The following SIDT2 variants were observed in gnomAD, a reference collection of about 807,000 sequenced individuals.
SIDT2 encodes SID1 transmembrane family member 2.
SIDT2 carries 68 observed loss-of-function variants against 114.4 expected under a neutral mutation model. The ratio of observed to expected loss-of-function variants is 0.59; its 90% CI spans 0.49 to 0.73. The LOEUF is 0.73. Ranked by LOEUF, SIDT2 falls within the 30% of genes least tolerant of loss-of-function variation. SIDT2 has a pLI of 0.00. For synonymous variants in SIDT2, 470 were observed against 438.4 expected (o/e 1.07, Z -0.90); for missense variants, 918 against 1,097.1 (o/e 0.84, Z 2.31).
Position 117,196,145 on chromosome 11 carries a change from G to A in SIDT2, c.*79G>A. On this transcript the variant is annotated 3_prime_UTR_variant, in exon 26 of 26. Transcript: ENST00000324225. The surrounding 1 kb of genome is among the most constrained non-coding windows in gnomAD (Gnocchi z 4.9). ...TAGACCGGTCACTCTGTCGTGCTGT[G>A]GGGATGAGTCCCAGCACCGCTGCCC... is the stretch of plus-strand genomic sequence containing the variant. 1 of 1,587,822 alleles carries A rather than the reference G, an allele frequency of 6.3e-7. No individual in the cohort carries two copies. Among genetic ancestry groups the A allele is most frequent in the Non-Finnish European group, 8.6e-7 (1 of 1,161,664 alleles).
chr11:117,187,726 G>A (rs756341419), intron 12 of SIDT2, 27 bp downstream of exon 12: 12 of 1,607,954 alleles, frequency 7.5e-6, no homozygotes, highest in Admixed American at 3.3e-5. Flanking sequence ...GGGAGGGGCG[G>A]TGTGGTGCAG....
In SIDT2 at chr11:117,188,511, C is replaced by T; in HGVS notation, c.1160-197C>T. ...GTGTGGTGGCCTCTTCTAGAGTCTA[C>T]CATCATCCCCCAGGACTTAGGAGCA... On this transcript the variant is annotated intron_variant, in intron 12 of 25. Transcript: ENST00000324225. This position sits in a 1 kb window ranked among gnomAD's most constrained non-coding sequence, Gnocchi z 4.0. 2 of 599,986 alleles carry T rather than the reference C, an allele frequency of 3.3e-6. No individual in the cohort carries two copies. The highest frequency in any genetic ancestry group is 6.0e-6 in the Non-Finnish European group (2 of 333,454). 37.2% of individuals were successfully genotyped at this position (599,986 alleles called of 1,614,324 possible). A position where few individuals can be genotyped will look rare whatever the true frequency, so the allele number is the denominator to read the frequency against.
intron 23 of SIDT2, 62 bp from the exon 24 acceptor site, chr11:117,193,791 G>T: frequency 8.1e-7 from 1 of 1,235,808 alleles, no homozygotes; most frequent in East Asian, 2.3e-5. Flanking sequence ...AAGGCTGGGT[G>T]GGACAGCGGG....
intron 8 of SIDT2, 87 bp from the exon 9 acceptor site, chr11:117,186,043 T>G: frequency 9.3e-7 from 1 of 1,070,526 alleles, no homozygotes; most frequent in African/African-American, 1.5e-5. Context: ...TTGAGCTGGG[T>G]GGAGGAGGAC....
In SIDT2 at chr11:117,189,954, G is replaced by A; in HGVS notation, c.1422G>A (p.Val474=). ...CCCTGTCCCTGCTCCTGCTACAGGT[G>A]GTGAATGTCACAGGGAATCAGGACA... ...VVQLVITYQT[V]VNVTGNQDIC... is the part of the protein sequence containing the mutation. Residue 474 remains valine (V), a splice_region_variant and synonymous_variant, in exon 16 of 26, where the codon GTG becomes GTA. Coordinates refer to ENST00000324225, the MANE Select transcript of SIDT2 (RefSeq NM_001040455.2). 1.9e-6 allele frequency: 3 copies of A among 1,614,070 alleles called. No individual in the cohort carries two copies. Among genetic ancestry groups the A allele is most frequent in the Non-Finnish European group, 2.5e-6 (3 of 1,179,952 alleles).
chr11:117,181,650 GT>G, intron 2 of SIDT2, 113 bp downstream of exon 2: 2 of 1,579,472 alleles, frequency 1.3e-6, no homozygotes, highest in Non-Finnish European at 1.7e-6. Flanking sequence ...TGGGAGGCTG[GT>G]CAACAGCACA....
chr11:117,185,344 G>C (rs544964725), intron 8 of SIDT2, among the ~76,000 whole-genome samples: 1 of 151,226 alleles, frequency 6.6e-6, no homozygotes, highest in East Asian at 2.0e-4. Context: ...CACCGCGCCC[G>C]GCCAGGGTGC....
Position 117,189,317 on chromosome 11 carries a change from C to T in SIDT2, c.1353-18C>T, listed in dbSNP as rs571043124. ...CCTTGGGTGCCACCCACCTCACTGC[C>T]GCCCTCCTGCTCCGCAGGAACATTG... On this transcript the variant is annotated intron_variant, in intron 14 of 25. Coordinates refer to ENST00000324225, the MANE Select transcript of SIDT2 (RefSeq NM_001040455.2). The T allele has an allele frequency of 2.5e-5, 41 of 1,614,200 alleles. 1 individual carries two copies. In the East Asian group the frequency reaches 3.6e-4, roughly 14 times the overall value.
intron 4 of SIDT2, 21 bp downstream of exon 4, chr11:117,182,126 G>A: frequency 6.2e-7 from 1 of 1,613,378 alleles, no homozygotes. Flanking sequence ...CCTGTTGATT[G>A]CTCGAGAGGA....
At chr11:117,186,768 C>A in intron 10 of SIDT2, 132 bp downstream of exon 10, 1 of 950,532 alleles carries the variant, frequency 1.1e-6, no homozygotes, top group South Asian at 1.6e-5. Context: ...GGGTAACACT[C>A]CACAGATGGG....
intron 10 of SIDT2, 41 bp from the exon 11 acceptor site, chr11:117,187,337 C>T: frequency 1.3e-6 from 2 of 1,588,086 alleles, no homozygotes; most frequent in Non-Finnish European, 1.7e-6. Flanking sequence ...CTAGGCCTCT[C>T]TCTTCGTCCA....
In SIDT2 at chr11:117,195,889, T is replaced by A; in HGVS notation, c.2410T>A (p.Ser804Thr). ...CCACGACATCTGGCACTTCCTCTCC[T>A]CCATCGCCATGTTCGGGTCCTTCCT... ...DDHDIWHFLS[S>T]IAMFGSFLVL... The change falls in exon 25 of 26, where the codon TCC (serine) becomes ACC (threonine). Residue 804 changes from serine to threonine, a missense_variant. Ser to Thr is a moderately conservative substitution (Grantham distance 58). Transcript: ENST00000324225. The A allele has an allele frequency of 6.2e-7, 1 of 1,614,200 alleles. No individual in the cohort carries two copies. Among genetic ancestry groups the A allele is most frequent in the South Asian group, 1.1e-5 (1 of 91,086 alleles).
In SIDT2 at chr11:117,192,263, A is replaced by C. The variant is rs1251517395; in HGVS notation, c.1882A>C (p.Lys628Gln). 1.2e-5 allele frequency: 20 copies of C among 1,608,510 alleles called. No individual in the cohort carries two copies. The highest frequency in any genetic ancestry group is 1.7e-5 in the Non-Finnish European group (20 of 1,175,210). Residue 628 changes from lysine to glutamine, a missense_variant, in exon 20 of 26, where the codon AAA becomes CAA. Physicochemically the swap from Lys to Gln is moderately conservative, Grantham distance 53. Transcript: ENST00000324225. This position sits in a 1 kb window ranked among gnomAD's most constrained non-coding sequence, Gnocchi z 5.9. ...GGTGGCCTCCCGACAGGTCTTTGGC[A>C]AAGGGAACACGGCGTTCTGGATCGT... ...FFSVLGVVFG[K>Q]GNTAFWIVFS... is the part of the protein sequence containing the mutation.
chr11:117,189,005 C>T (rs140692859), intron 13 of SIDT2, 164 bp from the exon 14 acceptor site: 5 of 971,122 alleles, frequency 5.1e-6, no homozygotes, highest in Non-Finnish European at 8.0e-6. Context: ...GCCTGATTGG[C>T]CAAACCCTCT....
chr11:117,188,638 C>A lies in SIDT2; in HGVS notation c.1160-70C>A. 8.2e-7 allele frequency: 1 copy of A among 1,224,260 alleles called. No individual in the cohort carries two copies. The allele number at this position is 1,224,260 out of a possible 1,614,324, so 75.8% of individuals were successfully genotyped here. On this transcript the variant is annotated intron_variant, in intron 12 of 25. Transcript: ENST00000324225. This position sits in a 1 kb window ranked among gnomAD's most constrained non-coding sequence, Gnocchi z 4.0. ...ACTGCCTAATAATTGTTACAATTGC[C>A]TCAGATGGGCGAGGGCCACTGTGGG...
chr11:117,181,566 G>C (rs753280724), intron 2 of SIDT2, 29 bp downstream of exon 2: 3 of 1,613,598 alleles, frequency 1.9e-6, no homozygotes, highest in Non-Finnish European at 2.5e-6. Flanking sequence ...TCAGGGAAGC[G>C]GGGCAGCCTA....
chr11:117,193,854 TC>T lies in SIDT2; in HGVS notation c.2215del (p.Arg739GlyfsTer77). ...LYFAFYIIMK[L>X]RSGERIKLIP... ...CTGTCCCTGCCTGGCCCCTCCCAGC[TC>T]CGGAGTGGGGAGAGGATCAAGCTCA... is the stretch of plus-strand genomic sequence containing the variant. On this transcript the variant is annotated frameshift_variant and splice_region_variant, in exon 24 of 26. Coordinates refer to ENST00000324225, the MANE Select transcript of SIDT2 (RefSeq NM_001040455.2). LOFTEE classifies it high-confidence loss of function. 1 of 1,613,542 alleles carries T rather than the reference TC, an allele frequency of 6.2e-7. No homozygotes were observed. Among genetic ancestry groups the T allele is most frequent in the Non-Finnish European group, 8.5e-7 (1 of 1,179,634 alleles).
Position 117,192,945 on chromosome 11 carries a change from A to T in SIDT2, c.2105+79A>T. ...CAGCCACTGGCTGCCTTGGGGGCTA[A>T]GGACAACTTCCAAATGTTGGGCATA... On this transcript the variant is annotated intron_variant, in intron 22 of 25. Coordinates refer to ENST00000324225, the MANE Select transcript of SIDT2 (RefSeq NM_001040455.2). The surrounding 1 kb of genome is among the most constrained non-coding windows in gnomAD (Gnocchi z 5.9). 6.4e-7 allele frequency: 1 copy of T among 1,571,100 alleles called. No homozygotes were observed. The highest frequency in any genetic ancestry group is 8.8e-7 in the Non-Finnish European group (1 of 1,140,936).
In SIDT2 at chr11:117,196,164, G is replaced by A. The variant is rs750806860; in HGVS notation, c.*98G>A. 47 of 1,509,150 alleles carry A rather than the reference G, an allele frequency of 3.1e-5. No individual in the cohort carries two copies. Among genetic ancestry groups the A allele is most frequent in the Middle Eastern group, 3.9e-4 (2 of 5,102 alleles). The allele number at this position is 1,509,150 out of a possible 1,614,324, so 93.5% of individuals were successfully genotyped here. A position where few individuals can be genotyped will look rare whatever the true frequency, so the allele number is the denominator to read the frequency against. On this transcript the variant is annotated 3_prime_UTR_variant, in exon 26 of 26. Coordinates refer to ENST00000324225, the MANE Select transcript of SIDT2 (RefSeq NM_001040455.2). The surrounding 1 kb of genome is among the most constrained non-coding windows in gnomAD (Gnocchi z 4.9). ...TGCTGTGGGGATGAGTCCCAGCACC[G>A]CTGCCCAGCACTGGATGGCAGCAGG...
Sources: gnomAD v4.1 joint callset for allele counts (sites outside exome capture counted in the v4.1 genomes callset) on GRCh38, gnomAD v4.1.1 for gene constraint, Gnocchi (gnomAD v3.1) non-coding constraint, MANE v1.5 for transcripts, NCBI Gene and HGNC (gene_info 2026-07-23, HGNC 2026-07-21) for gene names.